The following GPR149 variants were observed in gnomAD, a reference collection of about 807,000 sequenced individuals.
GPR149 encodes probable G protein-coupled receptor 149.
A neutral mutation model predicts 50.2 loss-of-function variants in GPR149; 50 were observed. That is an observed-to-expected ratio of 1.00 (90% CI 0.79 to 1.26). The LOEUF (loss-of-function observed/expected upper bound fraction) is 1.26. Ranked by LOEUF, GPR149 falls within the 50% of genes most tolerant of loss-of-function variation. GPR149 has a pLI of 0.00. For synonymous variants in GPR149, 405 were observed against 358.2 expected (o/e 1.13, Z -1.48); for missense variants, 983 against 895.4 (o/e 1.10, Z -1.25).
intron 3 of GPR149, among the ~76,000 whole-genome samples, chr3:154,417,066 A>G (rs1462004698): frequency 6.6e-6 from 1 of 151,994 alleles, no homozygotes; most frequent in Non-Finnish European, 1.5e-5. Flanking sequence ...CAATTATTTT[A>G]TAAGTCCAAT....
intron 3 of GPR149, among the ~76,000 whole-genome samples, chr3:154,401,712 A>G (rs1019962480): frequency 1.3e-5 from 2 of 152,208 alleles, no homozygotes; most frequent in Admixed American, 6.5e-5. Context: ...TTTTGGCTGT[A>G]TAATCATAAG....
At chr3:154,390,344 A>G (rs1186940140) in intron 3 of GPR149, among the ~76,000 whole-genome samples, 1 of 152,148 alleles carries the variant, frequency 6.6e-6, no homozygotes, top group Admixed American at 6.6e-5. Context: ...AAAGCATATA[A>G]ACAAAAGGAG....
chr3:154,359,978 A>G (rs1714341646), intron 3 of GPR149, among the ~76,000 whole-genome samples: 1 of 150,758 alleles, frequency 6.6e-6, no homozygotes, highest in Non-Finnish European at 1.5e-5. Flanking sequence ...CAGATTCACC[A>G]GGAGCAACCA....
At chr3:154,412,871 C>T (rs1321047705) in intron 3 of GPR149, among the ~76,000 whole-genome samples, 2 of 152,096 alleles carry the variant, frequency 1.3e-5, no homozygotes, top group Non-Finnish European at 2.9e-5. Flanking sequence ...GAGAACAAAT[C>T]TGGAGGCATT....
intron 3 of GPR149, among the ~76,000 whole-genome samples, chr3:154,362,878 G>A (rs1714446135): frequency 6.6e-6 from 1 of 152,076 alleles, no homozygotes; most frequent in East Asian, 1.9e-4. Flanking sequence ...ATGTGTCAAT[G>A]ATCAATATTA....
At chr3:154,349,188 C>A (rs1286030592) in intron 3 of GPR149, among the ~76,000 whole-genome samples, 1 of 151,988 alleles carries the variant, frequency 6.6e-6, no homozygotes, top group South Asian at 2.1e-4. Flanking sequence ...GTCTAGCCTC[C>A]CACCTTGATA....
chr3:154,345,779 A>G (rs1713912024), intron 3 of GPR149, among the ~76,000 whole-genome samples: 1 of 152,204 alleles, frequency 6.6e-6, no homozygotes, highest in African/African-American at 2.4e-5. Context: ...TAGTCTGTTG[A>G]TAATCTGAAT....
chr3:154,337,716 C>A lies in GPR149; in HGVS notation c.2179G>T (p.Glu727Ter). ...LNKAYRKREE[E>*]SKGS Reference sequence around the variant, plus strand: ...AATACCCACTAACTACCCTTGCTTTCTTCCTCTCTTTTTCTGTAAGCTTTA... The same window carrying A: ...AATACCCACTAACTACCCTTGCTTTATTCCTCTCTTTTTCTGTAAGCTTTA... The change falls in exon 4 of 4, where the codon GAA becomes TAA. Residue 727 changes from glutamate to a stop codon, truncating the protein, a stop_gained. Coordinates refer to ENST00000389740, the MANE Select transcript of GPR149 (RefSeq NM_001038705.3). LOFTEE classifies it high-confidence loss of function. The A allele has an allele frequency of 6.3e-7, 1 of 1,597,372 alleles. No homozygotes were observed. Among genetic ancestry groups the A allele is most frequent in the South Asian group, 1.1e-5 (1 of 88,242 alleles).
chr3:154,362,778 T>C (rs1714443383), intron 3 of GPR149, among the ~76,000 whole-genome samples: 1 of 152,210 alleles, frequency 6.6e-6, no homozygotes. Flanking sequence ...TTTTTGTATC[T>C]AATTTTGTAT....
chr3:154,352,185 C>A, intron 3 of GPR149: 1 of 827,106 alleles, frequency 1.2e-6, no homozygotes, highest in South Asian at 1.9e-5. Flanking sequence ...AGTTCTATTC[C>A]CACTTCATCT....
intron 3 of GPR149, among the ~76,000 whole-genome samples, chr3:154,366,760 C>T (rs1323252083): frequency 2.0e-5 from 3 of 152,152 alleles, no homozygotes; most frequent in Admixed American, 1.3e-4. Flanking sequence ...CAAGGTATAC[C>T]TTACATGTAT....
intron 3 of GPR149, among the ~76,000 whole-genome samples, chr3:154,369,243 C>T (rs560244067): frequency 4.0e-4 from 61 of 152,236 alleles, no homozygotes; most frequent in African/African-American, 1.3e-3. Context: ...AAAAAAGAAG[C>T]GGCTGATTTT....
intron 3 of GPR149, among the ~76,000 whole-genome samples, chr3:154,397,554 A>G (rs957356209): frequency 6.0e-5 from 9 of 150,856 alleles, no homozygotes; most frequent in African/African-American, 1.9e-4. Context: ...TTATTCTAAT[A>G]TATTTTGTTA....
In GPR149 at chr3:154,422,249, T is replaced by C. The variant is rs141898868; in HGVS notation, c.1175-762A>G. Among the ~76,000 whole-genome samples the C allele has an allele frequency of 3.0e-3, 459 of 151,756 alleles. 2 individuals carry two copies. The highest frequency in any genetic ancestry group is 0.011 in the African/African-American group (437 of 41,528). ...GTGAAATATGATGAAATAATAATTATAGTACTATTAGTTGGTGGAGTGATG... is the reference window on the plus strand; with the variant it reads ...GTGAAATATGATGAAATAATAATTACAGTACTATTAGTTGGTGGAGTGATG... On this transcript the variant is annotated intron_variant, in intron 2 of 3. Coordinates refer to ENST00000389740, the MANE Select transcript of GPR149 (RefSeq NM_001038705.3).
intron 3 of GPR149, among the ~76,000 whole-genome samples, chr3:154,399,261 C>T (rs1715364889): frequency 6.6e-6 from 1 of 152,144 alleles, no homozygotes; most frequent in South Asian, 2.1e-4. Context: ...AGAGCTTACA[C>T]CTGTAATGTG....
intron 1 of GPR149, among the ~76,000 whole-genome samples, chr3:154,428,179 A>C (rs1284469986): frequency 6.6e-6 from 1 of 152,004 alleles, no homozygotes; most frequent in African/African-American, 2.4e-5. Context: ...CTCCCTCCAC[A>C]ACTGATCTCT....
At chr3:154,392,469 G>A (rs1715193202) in intron 3 of GPR149, among the ~76,000 whole-genome samples, 1 of 151,756 alleles carries the variant, frequency 6.6e-6, no homozygotes, top group Non-Finnish European at 1.5e-5. Flanking sequence ...AGCAGTCAAT[G>A]CCTATATTTA....
intron 3 of GPR149, among the ~76,000 whole-genome samples, chr3:154,410,318 A>G (rs887924014): frequency 6.6e-6 from 1 of 152,144 alleles, no homozygotes; most frequent in African/African-American, 2.4e-5. Context: ...TAACAATAAC[A>G]ATGAAAAAAA....
At chr3:154,388,052 T>C (rs533891129) in intron 3 of GPR149, among the ~76,000 whole-genome samples, 1 of 152,310 alleles carries the variant, frequency 6.6e-6, no homozygotes, top group South Asian at 2.1e-4. Context: ...TTTTTGCCTA[T>C]TTTGAATTGC....
Sources: allele counts gnomAD v4.1 joint callset (sites outside exome capture counted in the v4.1 genomes callset), GRCh38; gene constraint gnomAD v4.1.1; transcripts MANE v1.5; gene names NCBI Gene and HGNC (gene_info 2026-07-23, HGNC 2026-07-21).